SYNC: variants seen among roughly 807,000 people sequenced by gnomAD.
The protein encoded by SYNC is syncoilin.
A neutral mutation model predicts 49.5 loss-of-function variants in SYNC; 38 were observed. The observed-to-expected ratio is 0.77, with a 90% CI of 0.59 to 1.01. The LOEUF (loss-of-function observed/expected upper bound fraction) is 1.01. Among genes scored for constraint, SYNC ranks in the 50% least tolerant of loss-of-function variants. The probability of loss-of-function intolerance (pLI) is 0.00; values close to 1 mark genes in which losing one functional copy is unlikely to be tolerated. For synonymous variants in SYNC, 201 were observed against 230.8 expected (o/e 0.87, Z 1.17); for missense variants, 579 against 580.6 (o/e 1.00, Z 0.03).
chr1:32,684,913 CCTT>C (rs1649716008), intron 2 of SYNC: 1 of 153,008 alleles, frequency 6.5e-6, no homozygotes, highest in African/African-American at 2.4e-5. Context: ...GTCCAAAGCT[CCTT>C]AAAGTCAGAG....
At chr1:32,702,791 C>T, upstream of SYNC, 1 of 784,232 alleles carries the variant, frequency 1.3e-6, no homozygotes. The surrounding 1 kb of genome is among the most constrained non-coding windows in gnomAD (Gnocchi z 6.2). Context: ...GGGCCGGGCG[C>T]GCCCACTTGG....
At chr1:32,687,697 T>A (rs998350330) in intron 2 of SYNC, among the ~76,000 whole-genome samples, 2 of 150,980 alleles carry the variant, frequency 1.3e-5, no homozygotes, top group African/African-American at 4.9e-5. Flanking sequence ...AAATGTTTAG[T>A]CCCAGCTGGA....
rs1010081859 is a variant in SYNC at position 32,684,529 on chromosome 1, G to C, written c.1234-147C>G. 3.3e-6 allele frequency: 4 copies of C among 1,201,482 alleles called. No homozygotes were observed. The African/African-American group carries it at 6.1e-5, about 18-fold the overall frequency. 74.4% of individuals were successfully genotyped at this position (1,201,482 alleles called of 1,614,324 possible). A position where few individuals can be genotyped will look rare whatever the true frequency, so the allele number is the denominator to read the frequency against. Reference sequence around the variant, plus strand: ...TATTTATATGATAGGTTATGAAACAGGTTCAAAGAAGTTGTGTCTTGGAAA... The same window carrying C: ...TATTTATATGATAGGTTATGAAACACGTTCAAAGAAGTTGTGTCTTGGAAA... On this transcript the variant is annotated intron_variant, in intron 2 of 4. Transcript: ENST00000409190.
At chr1:32,696,690 T>A (rs375780561) in intron 1 of SYNC, among the ~76,000 whole-genome samples, 2 of 152,254 alleles carry the variant, frequency 1.3e-5, no homozygotes, top group East Asian at 3.9e-4. Flanking sequence ...CCTCATGATC[T>A]GCCCGCCTCG....
At chr1:32,689,191 C>T (rs1650038004) in intron 2 of SYNC, among the ~76,000 whole-genome samples, 1 of 140,884 alleles carries the variant, frequency 7.1e-6, no homozygotes, top group African/African-American at 2.6e-5. Flanking sequence ...CCGCCTCGGC[C>T]TCCCAAAGTG....
Position 32,695,216 on chromosome 1 carries a change from G to T in SYNC, c.882C>A (p.Ala294=). 1 of 1,554,370 alleles carries T rather than the reference G, an allele frequency of 6.4e-7. No individual in the cohort carries two copies. The highest frequency in any genetic ancestry group is 1.7e-4 in the Middle Eastern group (1 of 6,002). ...LSEELAQLRD[A]YQKQKEQLRQ... is the part of the protein sequence containing the mutation. The stretch of plus-strand genomic sequence containing the variant: ...GCAGCTGCTCCTTCTGCTTCTGATA[G>T]GCATCCCGGAGCTGGGCCAGTTCCT... The change falls in exon 2 of 5, where the codon GCC becomes GCA. Residue 294 remains alanine, a synonymous_variant. Transcript: ENST00000409190.
intron 2 of SYNC, among the ~76,000 whole-genome samples, chr1:32,687,404 C>T (rs1326233602): frequency 4.7e-5 from 7 of 148,820 alleles, no homozygotes; most frequent in African/African-American, 1.2e-4. Context: ...AGGCCAGGCA[C>T]GGTGGTTCAC....
At chr1:32,696,524 T>C (rs985382179) in intron 1 of SYNC, among the ~76,000 whole-genome samples, 1 of 151,564 alleles carries the variant, frequency 6.6e-6, no homozygotes, top group Admixed American at 6.6e-5. Flanking sequence ...CTTGGCTCAC[T>C]GCAGCCTCCA....
At chr1:32,693,589 T>C (rs1221350368) in intron 2 of SYNC, among the ~76,000 whole-genome samples, 1 of 152,226 alleles carries the variant, frequency 6.6e-6, no homozygotes, top group East Asian at 1.9e-4. Flanking sequence ...TTCTCATTAG[T>C]GCCCAGCAGC....
At chr1:32,689,284 C>T (rs1292666605) in intron 2 of SYNC, among the ~76,000 whole-genome samples, 1 of 116,426 alleles carries the variant, frequency 8.6e-6, no homozygotes, top group African/African-American at 3.1e-5. Flanking sequence ...CACTGTCACC[C>T]AGGCTGGATT....
In SYNC at chr1:32,684,584, C is replaced by A. The variant is rs530801144; in HGVS notation, c.1234-202G>T. 7 of 684,932 alleles carry A rather than the reference C, an allele frequency of 1.0e-5. No individual in the cohort carries two copies. In the African/African-American group the frequency reaches 1.3e-4, roughly 12 times the overall value. The allele number at this position is 684,932 out of a possible 1,614,324, so 42.4% of individuals were successfully genotyped here. A position where few individuals can be genotyped will look rare whatever the true frequency, so the allele number is the denominator to read the frequency against. On this transcript the variant is annotated intron_variant, in intron 2 of 4. Transcript: ENST00000409190. ...GTGACAATGCTTTTGAAAATGATGA[C>A]GAAAAAGGCATCTTGTCTGTTAACC... is the stretch of plus-strand genomic sequence containing the variant.
At position 32,695,162 on chromosome 1, in the gene SYNC, C is replaced by T; in HGVS notation, c.936G>A (p.Gln312=). The change falls in exon 2 of 5, where the codon CAG becomes CAA. Residue 312 remains glutamine, a synonymous_variant. Coordinates refer to ENST00000409190, the MANE Select transcript of SYNC (RefSeq NM_030786.3). The stretch of plus-strand genomic sequence containing the variant: ...TTTCCTGGAGAAAGTGCCCATCCCT[C>T]TGGCTTGGAGGGGCTTCTAGTTGTT... ...LRQQLEAPPS[Q]RDGHFLQESR... is the part of the protein sequence containing the mutation. 1 of 1,592,678 alleles carries T rather than the reference C, an allele frequency of 6.3e-7. No individual in the cohort carries two copies. The highest frequency in any genetic ancestry group is 8.6e-7 in the Non-Finnish European group (1 of 1,169,422).
rs71006359 is a variant in SYNC at position 32,687,855 on chromosome 1, A to ATTATTATTATT, written c.1234-3474_1234-3473insAATAATAATAA. On this transcript the variant is annotated intron_variant, in intron 2 of 4. Coordinates refer to ENST00000409190, the MANE Select transcript of SYNC (RefSeq NM_030786.3). The stretch of plus-strand genomic sequence containing the variant: ...GTGAATTATTATTATTATTATTATT[A>ATTATTATTATT]TTATTATTTTTTGAGATGGAGTCTT... Among the ~76,000 whole-genome samples, 708 of 135,498 alleles carry ATTATTATTATT rather than the reference A, an allele frequency of 5.2e-3. 3 individuals are homozygous for ATTATTATTATT. Among genetic ancestry groups the ATTATTATTATT allele is most frequent in the Middle Eastern group, 0.026 (7 of 270 alleles). 88.9% of individuals were successfully genotyped at this position (135,498 alleles called of 152,430 possible).
In SYNC at chr1:32,695,125, A is replaced by G. The variant is rs368688931; in HGVS notation, c.973T>C (p.Ser325Pro). 1.2e-6 allele frequency: 2 copies of G among 1,611,460 alleles called. No homozygotes were observed. The highest frequency in any genetic ancestry group is 1.7e-6 in the Non-Finnish European group (2 of 1,179,076). The change falls in exon 2 of 5, where the codon TCT becomes CCT. Residue 325 changes from serine (S) to proline (P), a missense_variant. Ser to Pro is a moderately conservative substitution (Grantham distance 74, BLOSUM62 -1). Coordinates refer to ENST00000409190, the MANE Select transcript of SYNC (RefSeq NM_030786.3). ...GHFLQESRRL[S>P]AQFENLMAES... ...GCCATGAGATTTTCAAACTGGGCAG[A>G]GAGTCGCCGGCTTTCCTGGAGAAAG...
chr1:32,694,749 GAAC>G, intron 2 of SYNC, 113 bp downstream of exon 2: 3 of 1,088,498 alleles, frequency 2.8e-6, no homozygotes, highest in Non-Finnish European at 3.9e-6. Context: ...TGGCCCCAAA[GAAC>G]AAATTTTTCT....
chr1:32,702,516 G>A lies in SYNC; in HGVS notation c.53+92C>T. On this transcript the variant is annotated intron_variant, in intron 1 of 4. Coordinates refer to ENST00000409190, the MANE Select transcript of SYNC (RefSeq NM_030786.3). This position sits in a 1 kb window ranked among gnomAD's most constrained non-coding sequence, Gnocchi z 6.2. ...CGGCTGGACCACTACCCCTAGACAG[G>A]CGAAAGACGCCCGCGGTCGGGGGGA... 4 of 1,156,298 alleles carry A rather than the reference G, an allele frequency of 3.5e-6. No individual in the cohort carries two copies. The highest frequency in any genetic ancestry group is 4.3e-6 in the Non-Finnish European group (4 of 930,880). The allele number at this position is 1,156,298 out of a possible 1,614,324, so 71.6% of individuals were successfully genotyped here.
intron 1 of SYNC, among the ~76,000 whole-genome samples, chr1:32,701,210 G>T (rs1246877476): frequency 6.6e-6 from 1 of 151,976 alleles, no homozygotes; most frequent in Admixed American, 6.6e-5. Flanking sequence ...CCACCGCGCC[G>T]GGCCCACAAT....
At position 32,681,551 on chromosome 1, in the gene SYNC, C is replaced by G; in HGVS notation, c.*299G>C. ...CCATACATTCATCCTTCACTCAGTGCATATGTGAGGGTTGTTGCTGGAAGA... is the reference window on the plus strand; with the variant it reads ...CCATACATTCATCCTTCACTCAGTGGATATGTGAGGGTTGTTGCTGGAAGA... On this transcript the variant is annotated 3_prime_UTR_variant, in exon 5 of 5. Coordinates refer to ENST00000409190, the MANE Select transcript of SYNC (RefSeq NM_030786.3). 1.9e-6 allele frequency: 1 copy of G among 531,844 alleles called. No individual in the cohort carries two copies. Among genetic ancestry groups the G allele is most frequent in the Non-Finnish European group, 3.4e-6 (1 of 297,446 alleles). 32.9% of individuals were successfully genotyped at this position (531,844 alleles called of 1,614,324 possible). A position where few individuals can be genotyped will look rare whatever the true frequency, so the allele number is the denominator to read the frequency against.
chr1:32,684,406 T>C, intron 2 of SYNC, 24 bp from the exon 3 acceptor site: 1 of 1,613,884 alleles, frequency 6.2e-7, no homozygotes, highest in Non-Finnish European at 8.5e-7. Flanking sequence ...CCAAGAACAT[T>C]TCTAATGAGC....
Sources: allele counts gnomAD v4.1 joint callset (sites outside exome capture counted in the v4.1 genomes callset), GRCh38; gene constraint gnomAD v4.1.1; non-coding constraint Gnocchi (gnomAD v3.1); transcripts MANE v1.5; gene names NCBI Gene and HGNC (gene_info 2026-07-23, HGNC 2026-07-21).